CSMD2: variants seen among roughly 807,000 people sequenced by gnomAD.
CSMD2 encodes the protein CUB and sushi domain-containing protein 2.
In CSMD2, 130 loss-of-function variants were observed where a neutral mutation model predicts 398.5. The observed-to-expected ratio is 0.33, with a 90% CI of 0.28 to 0.38. The LOEUF is 0.38. CSMD2 is among the 10% of genes least tolerant of loss of function. The probability of loss-of-function intolerance (pLI) is 1.00; values close to 1 mark genes in which losing one functional copy is unlikely to be tolerated. For synonymous variants in CSMD2, 1,828 were observed against 1,908.5 expected (o/e 0.96, Z 1.10); for missense variants, 3,829 against 4,764.9 (o/e 0.80, Z 5.78).
At chr1:33,523,166 T>C (rs1654463584) in intron 67 of CSMD2, 141 bp downstream of exon 67, 2 of 549,124 alleles carry the variant, frequency 3.6e-6, no homozygotes, top group African/African-American at 1.9e-5. Context: ...GAGGATCCTC[T>C]TGCTGCTCCT....
intron 5 of CSMD2, among the ~76,000 whole-genome samples, chr1:33,917,519 A>G (rs1486624853): frequency 6.6e-6 from 1 of 152,136 alleles, no homozygotes; most frequent in Non-Finnish European, 1.5e-5. Flanking sequence ...TCCCTAACCC[A>G]TCAACAACTG....
chr1:33,977,876 C>T (rs746269007), intron 3 of CSMD2, among the ~76,000 whole-genome samples: 8 of 152,062 alleles, frequency 5.3e-5, no homozygotes, highest in South Asian at 2.1e-4. Context: ...AGAAAAAAAT[C>T]GCAACAGCTT....
At chr1:34,001,910 A>C (rs1323534455) in intron 3 of CSMD2, among the ~76,000 whole-genome samples, 1 of 152,180 alleles carries the variant, frequency 6.6e-6, no homozygotes, top group Non-Finnish European at 1.5e-5. Flanking sequence ...AAATAATAAT[A>C]ATAAAAAGGA....
At chr1:34,032,401 A>G (rs1650565059) in intron 3 of CSMD2, among the ~76,000 whole-genome samples, 193 bp downstream of exon 3, 1 of 152,230 alleles carries the variant, frequency 6.6e-6, no homozygotes, top group African/African-American at 2.4e-5. Context: ...TTTGATTTCA[A>G]TTCTCAGTTT....
At chr1:33,836,739 C>T (rs751444063) in intron 6 of CSMD2, among the ~76,000 whole-genome samples, 1 of 152,164 alleles carries the variant, frequency 6.6e-6, no homozygotes, top group African/African-American at 2.4e-5. Flanking sequence ...GGGAGTGACC[C>T]GATTTTCCAG....
intron 43 of CSMD2, among the ~76,000 whole-genome samples, chr1:33,601,315 T>G (rs1640202565): frequency 6.6e-6 from 1 of 152,158 alleles, no homozygotes; most frequent in Non-Finnish European, 1.5e-5. Flanking sequence ...CCACAGGTCC[T>G]CTCAGTCTGG....
At chr1:34,115,373 G>A (rs1311588620) in intron 1 of CSMD2, among the ~76,000 whole-genome samples, 1 of 152,058 alleles carries the variant, frequency 6.6e-6, no homozygotes, top group East Asian at 1.9e-4. Flanking sequence ...CTACAAAAGA[G>A]TTCTCATAAG....
Position 33,624,750 on chromosome 1 carries a change from TG to T in CSMD2, c.5501-108del. ...CAGCCTCTGTTTGTCCTCCTCCCCA[TG>T]GGGGTGTCTCCCTAATGTCCCCAGT... On this transcript the variant is annotated intron_variant, in intron 34 of 70. Transcript: ENST00000373381. The surrounding 1 kb of genome is among the most constrained non-coding windows in gnomAD (Gnocchi z 4.7). 7.0e-7 allele frequency: 1 copy of T among 1,419,730 alleles called. No individual in the cohort carries two copies. 87.9% of individuals were successfully genotyped at this position (1,419,730 alleles called of 1,614,324 possible). A position where few individuals can be genotyped will look rare whatever the true frequency, so the allele number is the denominator to read the frequency against.
intron 1 of CSMD2, among the ~76,000 whole-genome samples, chr1:34,144,635 C>T (rs1465863800): frequency 6.6e-6 from 1 of 152,178 alleles, no homozygotes; most frequent in Non-Finnish European, 1.5e-5. Flanking sequence ...TTCCAATCAG[C>T]GTTATCGGTA....
chr1:33,742,380 G>T (rs1647097874), intron 14 of CSMD2, among the ~76,000 whole-genome samples: 1 of 152,204 alleles, frequency 6.6e-6, no homozygotes, highest in Non-Finnish European at 1.5e-5. Flanking sequence ...TGGGCATGGA[G>T]CAGAGCTTGC....
At chr1:34,059,462 C>A (rs971345391) in intron 2 of CSMD2, among the ~76,000 whole-genome samples, 2 of 152,158 alleles carry the variant, frequency 1.3e-5, no homozygotes, top group African/African-American at 4.8e-5. Context: ...AATTCTAGCA[C>A]CCTATTTCTT....
chr1:33,779,638 T>C (rs532854994), intron 12 of CSMD2, among the ~76,000 whole-genome samples: 2 of 152,312 alleles, frequency 1.3e-5, no homozygotes, highest in African/African-American at 4.8e-5. Flanking sequence ...AAGAATCATC[T>C]TTCAGTGTTG....
Position 34,001,333 on chromosome 1 carries a change from CA to C in CSMD2, c.517+31260del, listed in dbSNP as rs1646894722. The stretch of plus-strand genomic sequence containing the variant: ...AGATCAAAAGAGCACATGAGGTCTC[CA>C]AAAATTTTATATATAGCAATCACCT... On this transcript the variant is annotated intron_variant, in intron 3 of 70. Transcript: ENST00000373381. 2.0e-5 allele frequency among the ~76,000 whole-genome samples: 3 copies of C among 152,118 alleles called. No individual in the cohort carries two copies. In the South Asian group the frequency reaches 6.2e-4, roughly 32 times the overall value.
chr1:33,582,390 C>T (rs372859), intron 47 of CSMD2, among the ~76,000 whole-genome samples: 105,145 of 152,004 alleles, frequency 0.69, 36,826 homozygotes, highest in East Asian at 0.89. Flanking sequence ...ATGAACAAAA[C>T]AGATCATTAG....
At chr1:33,745,485 G>A (rs544141488) in intron 13 of CSMD2, among the ~76,000 whole-genome samples, 16 of 152,108 alleles carry the variant, frequency 1.1e-4, no homozygotes, top group Non-Finnish European at 2.1e-4. Context: ...CTTACTAAAG[G>A]TAATGATGCT....
intron 5 of CSMD2, among the ~76,000 whole-genome samples, chr1:33,867,307 T>C (rs891167066): frequency 6.6e-6 from 1 of 152,122 alleles, no homozygotes; most frequent in Non-Finnish European, 1.5e-5. Context: ...AAGTTCTCAG[T>C]CCACCAACCA....
chr1:34,065,620 A>C (rs973421295), intron 2 of CSMD2, among the ~76,000 whole-genome samples: 7 of 152,064 alleles, frequency 4.6e-5, no homozygotes, highest in African/African-American at 1.4e-4. Flanking sequence ...TATAAACCTC[A>C]ATTTTCTTAT....
intron 44 of CSMD2, among the ~76,000 whole-genome samples, chr1:33,595,440 T>A (rs1425631457): frequency 6.6e-6 from 1 of 152,230 alleles, no homozygotes; most frequent in Non-Finnish European, 1.5e-5. Context: ...TCTTCCAGTC[T>A]TCTCCACTTC....
chr1:33,991,812 CA>C (rs1212926882), intron 3 of CSMD2, among the ~76,000 whole-genome samples: 10 of 151,418 alleles, frequency 6.6e-5, no homozygotes, highest in African/African-American at 2.4e-4. Context: ...AAAAGACAGC[CA>C]TAACATATAT....
Sources: gnomAD v4.1 joint callset for allele counts (sites outside exome capture counted in the v4.1 genomes callset) on GRCh38, gnomAD v4.1.1 for gene constraint, Gnocchi (gnomAD v3.1) non-coding constraint, MANE v1.5 for transcripts, NCBI Gene and HGNC (gene_info 2026-07-23, HGNC 2026-07-21) for gene names.